ENAH: variants seen among roughly 807,000 people sequenced by gnomAD.
ENAH encodes the protein protein enabled homolog.
A neutral mutation model predicts 78.7 loss-of-function variants in ENAH; 23 were observed. That is an observed-to-expected ratio of 0.29 (90% CI 0.21 to 0.41). ENAH has a LOEUF of 0.41. ENAH is among the 10% of genes least tolerant of loss of function. The pLI is 1.00. For missense variants in ENAH, 544 were observed against 691.0 expected (o/e 0.79, Z 2.39); for synonymous variants, 226 against 241.0 (o/e 0.94, Z 0.58).
intron 1 of ENAH, 120 bp downstream of exon 1, chr1:225,652,566 G>C (rs1663228772): frequency 9.1e-7 from 1 of 1,100,866 alleles, no homozygotes; most frequent in Non-Finnish European, 1.2e-6. Flanking sequence ...GGGAGGAACA[G>C]ACCGGAGACC....
chr1:225,576,040 G>A (rs2096786076), intron 1 of ENAH, among the ~76,000 whole-genome samples: 1 of 152,038 alleles, frequency 6.6e-6, no homozygotes, highest in Non-Finnish European at 1.5e-5. Context: ...ACTCTGCACT[G>A]TTCTGCTCCC....
chr1:225,606,822 G>A (rs72753048), intron 1 of ENAH, among the ~76,000 whole-genome samples: 24,351 of 123,138 alleles, frequency 0.2, 2,377 homozygotes, highest in South Asian at 0.37. Context: ...CATCCTGGAC[G>A]ACAGTGCAAG....
chr1:225,638,643 G>A (rs1187622309), intron 1 of ENAH, among the ~76,000 whole-genome samples: 2 of 152,202 alleles, frequency 1.3e-5, no homozygotes, highest in African/African-American at 4.8e-5. Context: ...ATGAGGAGGA[G>A]CTTAGTGGAG....
intron 7 of ENAH, among the ~76,000 whole-genome samples, chr1:225,513,515 A>G (rs1439171696): frequency 6.6e-6 from 1 of 152,240 alleles, no homozygotes; most frequent in East Asian, 1.9e-4. Context: ...TCATTGGACT[A>G]TAGATGAAAT....
chr1:225,652,692 G>T lies in ENAH; in HGVS notation c.-2C>A, dbSNP rs535990558. On this transcript the variant is annotated 5_prime_UTR_variant, in exon 1 of 14. Transcript: ENST00000366843. ...CGCCCCGCGCGCCCCTCACCTCATG[G>T]TGCCGGCGGCGCAGAGGCTTCCCCA... 2 of 1,320,086 alleles carry T rather than the reference G, an allele frequency of 1.5e-6. No individual in the cohort carries two copies. The highest frequency in any genetic ancestry group is 1.9e-6 in the Non-Finnish European group (2 of 1,037,564). The allele number at this position is 1,320,086 out of a possible 1,614,324, so 81.8% of individuals were successfully genotyped here. A position where few individuals can be genotyped will look rare whatever the true frequency, so the allele number is the denominator to read the frequency against.
chr1:225,652,655 C>G lies in ENAH; in HGVS notation c.5+31G>C, dbSNP rs973348084. 3.2e-6 allele frequency: 4 copies of G among 1,267,136 alleles called. No individual in the cohort carries two copies. In the African/African-American group the frequency reaches 6.2e-5, roughly 20 times the overall value. 78.5% of individuals were successfully genotyped at this position (1,267,136 alleles called of 1,614,324 possible). ...GTCGCGGCTCCCGCGGCACAATGGC[C>G]CGCCCGGCCCCCGCCCCGCGCGCCC... On this transcript the variant is annotated intron_variant, in intron 1 of 13. Transcript: ENST00000366843.
chr1:225,615,846 A>T (rs2097027609), intron 1 of ENAH, among the ~76,000 whole-genome samples: 1 of 151,992 alleles, frequency 6.6e-6, no homozygotes, highest in African/African-American at 2.4e-5. Flanking sequence ...CAGCTCATTG[A>T]GAACGGGCCA....
chr1:225,647,108 C>G (rs962472439), intron 1 of ENAH, among the ~76,000 whole-genome samples: 1 of 152,146 alleles, frequency 6.6e-6, no homozygotes, highest in Admixed American at 6.6e-5. Context: ...CGCCTGTAGT[C>G]TCAGCTACTC....
At chr1:225,500,823 G>A (rs1360411726) in intron 12 of ENAH, among the ~76,000 whole-genome samples, 169 bp downstream of exon 12, 1 of 152,232 alleles carries the variant, frequency 6.6e-6, no homozygotes. Flanking sequence ...TGAACCGGAA[G>A]TGTAGATTTG....
At chr1:225,595,115 A>T (rs528726234) in intron 1 of ENAH, among the ~76,000 whole-genome samples, 1 of 152,178 alleles carries the variant, frequency 6.6e-6, no homozygotes, top group Non-Finnish European at 1.5e-5. Context: ...CAGGTGGATC[A>T]CAAGGTCAGG....
At chr1:225,527,226 C>A (rs1252144659) in intron 4 of ENAH, among the ~76,000 whole-genome samples, 1 of 152,010 alleles carries the variant, frequency 6.6e-6, no homozygotes, top group African/African-American at 2.4e-5. Context: ...TAGAAAAAGG[C>A]CAGTTAAACA....
intron 3 of ENAH, 129 bp downstream of exon 3, chr1:225,554,777 A>C (rs1276897027): frequency 2.7e-6 from 2 of 731,244 alleles, no homozygotes; most frequent in African/African-American, 1.7e-5. Context: ...TATATACAAG[A>C]TCTAAAAGTT....
chr1:225,499,560 T>C (rs981913955), intron 12 of ENAH, among the ~76,000 whole-genome samples: 19 of 152,050 alleles, frequency 1.2e-4, no homozygotes, highest in South Asian at 4.1e-4. Flanking sequence ...TAATCCCAGC[T>C]ACTCAGGAGG....
intron 1 of ENAH, among the ~76,000 whole-genome samples, chr1:225,646,373 C>CA (rs1661962277): frequency 6.6e-6 from 1 of 152,122 alleles, no homozygotes; most frequent in Non-Finnish European, 1.5e-5. Context: ...GAAATCCCCC[C>CA]TCATCTCCCC....
chr1:225,521,604 G>A (rs1035798896), intron 4 of ENAH, among the ~76,000 whole-genome samples: 8 of 145,024 alleles, frequency 5.5e-5, no homozygotes, highest in African/African-American at 1.8e-4. Context: ...CTATGCCCCT[G>A]TACCCCAGCC....
At chr1:225,620,571 T>C (rs1304093436) in intron 1 of ENAH, among the ~76,000 whole-genome samples, 5 of 152,070 alleles carry the variant, frequency 3.3e-5, no homozygotes, top group South Asian at 4.1e-4. Flanking sequence ...TACTTTTCCA[T>C]GCAACTTGGG....
intron 4 of ENAH, 61 bp from the exon 5 acceptor site, chr1:225,519,626 AT>A: frequency 6.4e-7 from 1 of 1,551,166 alleles, no homozygotes; most frequent in South Asian, 1.2e-5. Flanking sequence ...TGAAAAAGCG[AT>A]TCTTTTCACC....
chr1:225,625,399 G>C (rs895459979), intron 1 of ENAH, among the ~76,000 whole-genome samples: 2 of 152,142 alleles, frequency 1.3e-5, no homozygotes, highest in African/African-American at 4.8e-5. Context: ...AATATCTTAA[G>C]ACATAGTTGA....
chr1:225,583,153 G>A (rs1322712130), intron 1 of ENAH, among the ~76,000 whole-genome samples: 1 of 152,068 alleles, frequency 6.6e-6, no homozygotes, highest in Non-Finnish European at 1.5e-5. Flanking sequence ...TAAGAAAAAA[G>A]AGGCCAGGCG....
Sources: gnomAD v4.1 joint callset for allele counts (sites outside exome capture counted in the v4.1 genomes callset) on GRCh38, gnomAD v4.1.1 for gene constraint, MANE v1.5 for transcripts, NCBI Gene and HGNC (gene_info 2026-07-23, HGNC 2026-07-21) for gene names.